The following INF2 variants were observed in gnomAD, a reference collection of about 807,000 sequenced individuals.
INF2 encodes inverted formin 2, also known as inverted formin-2.
Under a neutral mutation model 123.5 loss-of-function variants are expected in INF2, and 43 were observed. The ratio of observed to expected loss-of-function variants is 0.35; its 90% CI spans 0.27 to 0.45. The LOEUF is 0.45. Among genes scored for constraint, INF2 ranks in the 20% least tolerant of loss-of-function variants. INF2 has a pLI of 1.00. For missense variants in INF2, 1,453 were observed against 1,682.7 expected (o/e 0.86, Z 2.39); for synonymous variants, 851 against 745.0 (o/e 1.14, Z -2.32).
Position 104,707,613 on chromosome 14 carries a change from TG to T in INF2, c.1351del (p.Ala451LeufsTer107). On this transcript the variant is annotated frameshift_variant, in exon 8 of 23. Coordinates refer to ENST00000392634, the MANE Select transcript of INF2 (RefSeq NM_022489.4). LOFTEE classifies it high-confidence loss of function. ...CCCCCACCACCCCCCCTGCCCAGTGTGGGGGCTAAGGCCCTCCCAACAGCAC... is the reference window on the plus strand; with the variant it reads ...CCCCCACCACCCCCCCTGCCCAGTGTGGGGCTAAGGCCCTCCCAACAGCAC... Reference protein sequence around the residue: ...PPPPPPPLPSVGAKALPTAPP... With the variant: ...PPPPPPPLPSXGAKALPTAPP... 1.2e-6 allele frequency: 1 copy of T among 868,950 alleles called. No homozygotes were observed. Among genetic ancestry groups the T allele is most frequent in the Non-Finnish European group, 1.6e-6 (1 of 623,536 alleles). The allele number at this position is 868,950 out of a possible 1,614,324, so 53.8% of individuals were successfully genotyped here.
At chr14:104,702,950 G>A (rs924360179) in intron 2 of INF2, among the ~76,000 whole-genome samples, 155 bp from the exon 3 acceptor site, 1 of 152,220 alleles carries the variant, frequency 6.6e-6, no homozygotes, top group Non-Finnish European at 1.5e-5. Flanking sequence ...GGGGCACCTC[G>A]TTGGGTCCCA....
chr14:104,707,886 C>T lies in INF2; in HGVS notation c.1619C>T (p.Ala540Val). ...GGAGGCATGGAGGAGGTCATCGTGG[C>T]CCAGGTGGACCATGGCTTGGGCTCA... ...VAGGMEEVIV[A>V]QVDHGLGSAW... Residue 540 changes from alanine to valine, a missense_variant, in exon 8 of 23, where the codon GCC becomes GTC. Ala to Val is a moderately conservative substitution (Grantham distance 64). This residue lies in a region of INF2 where 374 missense variants were observed against 303.7 expected (regional missense o/e 1.23). Transcript: ENST00000392634. 6.2e-7 allele frequency: 1 copy of T among 1,605,834 alleles called. No individual in the cohort carries two copies.
chr14:104,683,856 T>C (rs1888592757), intron 1 of INF2, among the ~76,000 whole-genome samples: 1 of 152,118 alleles, frequency 6.6e-6, no homozygotes, highest in South Asian at 2.1e-4. Context: ...CCCCTGCCTC[T>C]TCTGAGTCTG....
At chr14:104,698,850 G>A (rs553842844) in intron 1 of INF2, among the ~76,000 whole-genome samples, 7 of 152,306 alleles carry the variant, frequency 4.6e-5, no homozygotes, top group Admixed American at 2.0e-4. Flanking sequence ...GCAGCCCAGC[G>A]AGACCCTGTT....
At chr14:104,711,517 G>A in intron 15 of INF2, 112 bp from the exon 16 acceptor site, 1 of 927,126 alleles carries the variant, frequency 1.1e-6, no homozygotes, top group Non-Finnish European at 1.8e-6. Context: ...GGAGTACTGG[G>A]GGTTTTCTGG....
At chr14:104,686,187 G>C (rs1888658111), upstream of INF2, among the ~76,000 whole-genome samples, 1 of 150,792 alleles carries the variant, frequency 6.6e-6, no homozygotes, top group Non-Finnish European at 1.5e-5. Flanking sequence ...TAGATGATAG[G>C]TGGGTAGGTG....
chr14:104,717,975 C>T (rs1035866755), intron 22 of INF2, among the ~76,000 whole-genome samples: 3 of 152,222 alleles, frequency 2.0e-5, no homozygotes, highest in Non-Finnish European at 4.4e-5. Context: ...GGGCCCTGAG[C>T]GCTTCCCATC....
At chr14:104,698,138 C>T (rs1489771545) in intron 1 of INF2, among the ~76,000 whole-genome samples, 1 of 152,268 alleles carries the variant, frequency 6.6e-6, no homozygotes, top group Non-Finnish European at 1.5e-5. Context: ...GGTGGCCCCG[C>T]CAACCCACTT....
chr14:104,694,618 C>T (rs888842749), intron 1 of INF2, among the ~76,000 whole-genome samples: 2 of 152,160 alleles, frequency 1.3e-5, no homozygotes, highest in African/African-American at 4.8e-5. Context: ...ACCAGGAGAT[C>T]CTATGGGTCA....
In INF2 at chr14:104,708,181, A is replaced by G. The variant is rs1259874843; in HGVS notation, c.1735+179A>G. 7 of 1,027,186 alleles carry G rather than the reference A, an allele frequency of 6.8e-6. No individual in the cohort carries two copies. In the South Asian group the frequency reaches 7.8e-5, roughly 11 times the overall value. The allele number at this position is 1,027,186 out of a possible 1,614,324, so 63.6% of individuals were successfully genotyped here. On this transcript the variant is annotated intron_variant, in intron 8 of 22. Coordinates refer to ENST00000392634, the MANE Select transcript of INF2 (RefSeq NM_022489.4). ...GTTGAGGTGGGGACGGGGGAGGAGC[A>G]GGGCAGGGGCTACCTCTGAGGACCC...
intron 1 of INF2, among the ~76,000 whole-genome samples, chr14:104,693,986 A>G (rs1176458941): frequency 1.3e-5 from 2 of 152,216 alleles, no homozygotes; most frequent in African/African-American, 2.4e-5. Context: ...CACCTTGTGC[A>G]CAGACATGAG....
At chr14:104,711,781 C>A in intron 16 of INF2, 82 bp downstream of exon 16, 2 of 1,335,320 alleles carry the variant, frequency 1.5e-6, no homozygotes, top group South Asian at 1.2e-5. Context: ...GGCTGCCCGC[C>A]AGGGCTGGGT....
Position 104,706,105 on chromosome 14 carries a change from G to C in INF2, c.772G>C (p.Glu258Gln). Reference protein sequence around the residue: ...FEEAKAEDEEELLRVSGGVDM... With the variant: ...FEEAKAEDEEQLLRVSGGVDM... ...GGAGGCTAAGGCCGAGGACGAGGAG[G>C]AGCTGCTGCGAGTCTCTGGCGGGGT... Residue 258 changes from glutamate (E) to glutamine (Q), a missense_variant, in exon 6 of 23, where the codon GAG becomes CAG. Coordinates refer to ENST00000392634, the MANE Select transcript of INF2 (RefSeq NM_022489.4). 1 of 1,612,266 alleles carries C rather than the reference G, an allele frequency of 6.2e-7. No individual in the cohort carries two copies. Among genetic ancestry groups the C allele is most frequent in the Non-Finnish European group, 8.5e-7 (1 of 1,179,608 alleles).
At chr14:104,687,586 A>G (rs1486451319), upstream of INF2, among the ~76,000 whole-genome samples, 1 of 151,742 alleles carries the variant, frequency 6.6e-6, no homozygotes, top group African/African-American at 2.4e-5. The surrounding 1 kb of genome is among the most constrained non-coding windows in gnomAD (Gnocchi z 5.6). Flanking sequence ...ACTAAATCAC[A>G]TTCACCCCAC....
rs371647927 is a variant in INF2, at chr14:104,701,359, C to T, written c.-7C>T. On this transcript the variant is annotated splice_region_variant and 5_prime_UTR_variant, in exon 2 of 23. Transcript: ENST00000392634. ...GGCTCCCTGCCCTCTGCCTGCAGCT[C>T]GGCAAGATGTCGGTGAAGGAGGGCG... 31 of 1,573,158 alleles carry T rather than the reference C, an allele frequency of 2.0e-5. No homozygotes were observed. The highest frequency in any genetic ancestry group is 2.6e-5 in the Non-Finnish European group (30 of 1,158,468).
intron 22 of INF2, chr14:104,715,974 A>T: frequency 4.4e-6 from 2 of 455,906 alleles, no homozygotes; most frequent in South Asian, 3.1e-5. Context: ...CCCCCCGCAC[A>T]CCGAGTCTTC....
chr14:104,709,553 G>A (rs900781057), intron 11 of INF2, 67 bp from the exon 12 acceptor site: 29 of 1,473,468 alleles, frequency 2.0e-5, no homozygotes, highest in Admixed American at 5.0e-5. Context: ...GGCTGAGCCC[G>A]GCGGGCAGTC....
In INF2 at chr14:104,714,223, G is replaced by A. The variant is rs762689516; in HGVS notation, c.3061G>A (p.Gly1021Arg). ...TCCAGTGGCCACCAGTAACCCTGCA[G>A]GAGATCCCGTGGGCAGCACGCGCTG... ...TEPVATSNPAGDPVGSTRCPA... is the reference protein window; with the variant it reads ...TEPVATSNPARDPVGSTRCPA... The change falls in exon 21 of 23, where the codon GGA becomes AGA. Residue 1021 changes from glycine (G) to arginine (R), a missense_variant. Gly to Arg is a moderately radical substitution (Grantham distance 125). Around this residue, in one of 8 missense-constraint regions of INF2, gnomAD observed 344 missense variants for 333.1 expected, o/e 1.03. Coordinates refer to ENST00000392634, the MANE Select transcript of INF2 (RefSeq NM_022489.4). 14 of 1,550,674 alleles carry A rather than the reference G, an allele frequency of 9.0e-6. No homozygotes were observed. Among genetic ancestry groups the A allele is most frequent in the Admixed American group, 3.6e-5 (2 of 54,812 alleles).
intron 22 of INF2, among the ~76,000 whole-genome samples, chr14:104,717,351 T>C (rs192378216): frequency 0.02 from 2,663 of 135,702 alleles, 49 homozygotes; most frequent in Middle Eastern, 0.056. Context: ...CCGGGCAGGG[T>C]GCGCTGCCGT....
Sources: gnomAD v4.1 joint callset for allele counts (sites outside exome capture counted in the v4.1 genomes callset) on GRCh38, gnomAD v4.1.1 for gene constraint, gnomAD v4.1.1 regional missense constraint, Gnocchi (gnomAD v3.1) non-coding constraint, MANE v1.5 for transcripts, NCBI Gene and HGNC (gene_info 2026-07-23, HGNC 2026-07-21) for gene names.